ADAMTS7: variants seen among roughly 807,000 people sequenced by gnomAD.
ADAMTS7 encodes the protein ADAM metallopeptidase with thrombospondin type 1 motif 7.
In ADAMTS7, 89 loss-of-function variants were observed where a neutral mutation model predicts 172.6. The ratio of observed to expected loss-of-function variants is 0.52; its 90% CI spans 0.43 to 0.61. The LOEUF is 0.61. Ranked by LOEUF, ADAMTS7 falls within the 20% of genes least tolerant of loss-of-function variation. The pLI, the probability that ADAMTS7 is intolerant of heterozygous loss-of-function variation, is 0.00. For synonymous variants in ADAMTS7, 885 were observed against 978.4 expected (o/e 0.90, Z 1.78); for missense variants, 1,973 against 2,355.6 (o/e 0.84, Z 3.36).
rs760552085 is a variant in ADAMTS7 at position 78,790,738 on chromosome 15, C to A, written c.960G>T (p.Trp320Cys). 1.9e-6 allele frequency: 3 copies of A among 1,614,036 alleles called. No individual in the cohort carries two copies. The highest frequency in any genetic ancestry group is 2.5e-6 in the Non-Finnish European group (3 of 1,180,020). ...ADNTLKSFCKWQKSINMKGDA... is the reference protein window; with the variant it reads ...ADNTLKSFCKCQKSINMKGDA... ...CCCCCTTCATGTTGATGCTTTTCTG[C>A]CACTTGCAGAAGCTCTTCAGGGTGT... The change falls in exon 6 of 24, where the codon TGG becomes TGT. Residue 320 changes from tryptophan (W) to cysteine (C), a missense_variant. This residue lies in a region of ADAMTS7 where 526 missense variants were observed against 662.9 expected (regional missense o/e 0.79). Coordinates refer to ENST00000388820, the MANE Select transcript of ADAMTS7 (RefSeq NM_014272.5).
chr15:78,791,552 A>T (rs1456896191), intron 4 of ADAMTS7, among the ~76,000 whole-genome samples: 1 of 152,158 alleles, frequency 6.6e-6, no homozygotes, highest in Non-Finnish European at 1.5e-5. Context: ...ATGCCCACCC[A>T]GCACAGGCGA....
chr15:78,795,771 G>A (rs1209863353), intron 4 of ADAMTS7, among the ~76,000 whole-genome samples: 1 of 152,202 alleles, frequency 6.6e-6, no homozygotes, highest in Non-Finnish European at 1.5e-5. Context: ...CCTCCCAGGG[G>A]CTGCAGGAAG....
intron 3 of ADAMTS7, 74 bp from the exon 4 acceptor site, chr15:78,796,860 A>T (rs2055652782): frequency 7.3e-7 from 1 of 1,375,620 alleles, no homozygotes; most frequent in African/African-American, 1.4e-5. Flanking sequence ...GCCTCTCCTC[A>T]GTGAGCTCTC....
chr15:78,788,094 G>T, intron 8 of ADAMTS7, 137 bp downstream of exon 8: 1 of 1,209,014 alleles, frequency 8.3e-7, no homozygotes, highest in Non-Finnish European at 1.2e-6. Flanking sequence ...ACCCCCATTA[G>T]ACCTTGACCT....
At chr15:78,808,747 C>A (rs753380613) in intron 1 of ADAMTS7, among the ~76,000 whole-genome samples, 9 of 152,188 alleles carry the variant, frequency 5.9e-5, no homozygotes, top group Non-Finnish European at 1.3e-4. Flanking sequence ...TGCAACAAAG[C>A]TGAGCCTGCA....
In ADAMTS7 at chr15:78,763,960, G is replaced by A. The variant is rs1431846861; in HGVS notation, c.4559C>T (p.Pro1520Leu). 1.3e-6 allele frequency: 2 copies of A among 1,548,388 alleles called. No individual in the cohort carries two copies. The highest frequency in any genetic ancestry group is 2.0e-5 in the Admixed American group (1 of 51,048). ...PPAHRPCGAQ[P>L]CLSWYTSSWR... The stretch of plus-strand genomic sequence containing the variant: ...GGAAGATGTGTACCAGCTGAGGCAG[G>A]GCTGGGCCCCGCAGGGCCGGTGCGC... Residue 1520 changes from proline (P) to leucine (L), a missense_variant, in exon 21 of 24, where the codon CCC becomes CTC. Pro to Leu is a moderately conservative substitution (Grantham distance 98). Transcript: ENST00000388820.
chr15:78,774,737 T>A lies in ADAMTS7; in HGVS notation c.1763A>T (p.Asn588Ile). 6.2e-7 allele frequency: 1 copy of A among 1,611,534 alleles called. No homozygotes were observed. Among genetic ancestry groups the A allele is most frequent in the Non-Finnish European group, 8.5e-7 (1 of 1,179,748 alleles). The change falls in exon 12 of 24, where the codon AAC becomes ATC. Residue 588 changes from asparagine (N) to isoleucine (I), a missense_variant. Physicochemically the swap from Asn to Ile is moderately radical, Grantham distance 149. This residue lies in a region of ADAMTS7 where 526 missense variants were observed against 662.9 expected (regional missense o/e 0.79). Coordinates refer to ENST00000388820, the MANE Select transcript of ADAMTS7 (RefSeq NM_014272.5). ...GCGGCCAGCAGGGCAGGCCTGCAGG[T>A]TGCAGAGGCGGAAGCGCTTGCGCTC... ...VGERKRFRLC[N>I]LQACPAGRPS...
intron 5 of ADAMTS7, 66 bp downstream of exon 5, chr15:78,791,074 A>G (rs1238425837): frequency 2.5e-5 from 38 of 1,535,830 alleles, no homozygotes; most frequent in Non-Finnish European, 3.2e-5. Flanking sequence ...AGCACAGGTC[A>G]TGCGGCAGGA....
chr15:78,801,368 G>A (rs1222846776), intron 1 of ADAMTS7, among the ~76,000 whole-genome samples: 2 of 152,060 alleles, frequency 1.3e-5, no homozygotes, highest in Non-Finnish European at 2.9e-5. Context: ...CAGGCCAGAC[G>A]TGCTCCTGCT....
rs1259871358 is a variant in ADAMTS7, at chr15:78,781,045, T to C, written c.1323-3457A>G. ...GTCTGTGGACACAGCAAGAACGAGTTTGGATTCAGCCCTGTGGGTCTACCT... is the reference window on the plus strand; with the variant it reads ...GTCTGTGGACACAGCAAGAACGAGTCTGGATTCAGCCCTGTGGGTCTACCT... On this transcript the variant is annotated intron_variant, in intron 8 of 23. Transcript: ENST00000388820. Among the ~76,000 whole-genome samples, 3 of 152,096 alleles carry C rather than the reference T, an allele frequency of 2.0e-5. No individual in the cohort carries two copies. In the East Asian group the frequency reaches 5.8e-4, roughly 29 times the overall value.
intron 7 of ADAMTS7, among the ~76,000 whole-genome samples, chr15:78,789,036 G>T (rs1324666420): frequency 1.3e-5 from 2 of 152,242 alleles, no homozygotes; most frequent in African/African-American, 4.8e-5. Flanking sequence ...GCAGCTTCAA[G>T]GTCCTGCAGG....
In ADAMTS7 at chr15:78,773,269, G is replaced by T. The variant is rs1406946468; in HGVS notation, c.2011-66C>A. 64 of 1,369,646 alleles carry T rather than the reference G, an allele frequency of 4.7e-5. 14 individuals are homozygous for T. The highest frequency in any genetic ancestry group is 6.0e-5 in the Non-Finnish European group (60 of 992,730). 84.8% of individuals were successfully genotyped at this position (1,369,646 alleles called of 1,614,324 possible). A position where few individuals can be genotyped will look rare whatever the true frequency, so the allele number is the denominator to read the frequency against. ...CAGCCCTCTGTGGCCCCAGCCCCGGGGCCAGCCAGAGTCAGGAGAAGAAAG... is the reference window on the plus strand; with the variant it reads ...CAGCCCTCTGTGGCCCCAGCCCCGGTGCCAGCCAGAGTCAGGAGAAGAAAG... On this transcript the variant is annotated intron_variant, in intron 13 of 23. Coordinates refer to ENST00000388820, the MANE Select transcript of ADAMTS7 (RefSeq NM_014272.5).
At chr15:78,776,615 T>G in intron 10 of ADAMTS7, 134 bp downstream of exon 10, 2 of 998,518 alleles carry the variant, frequency 2.0e-6, no homozygotes, top group East Asian at 5.3e-5. Context: ...AGATGGGGGC[T>G]TGGGCTGCAG....
At chr15:78,795,291 T>C (rs2055628512) in intron 4 of ADAMTS7, among the ~76,000 whole-genome samples, 1 of 152,202 alleles carries the variant, frequency 6.6e-6, no homozygotes. Context: ...CCTGGGCAGA[T>C]GAAGCTTGAT....
rs750358699 is a variant in ADAMTS7, at chr15:78,764,041, C to T, written c.4478G>A (p.Arg1493Gln). 69 of 1,539,246 alleles carry T rather than the reference C, an allele frequency of 4.5e-5. No individual in the cohort carries two copies. The South Asian group carries it at 5.1e-4, about 11-fold the overall frequency. Residue 1493 changes from arginine to glutamine, a missense_variant, in exon 21 of 24, where the codon CGG becomes CAG. Coordinates refer to ENST00000388820, the MANE Select transcript of ADAMTS7 (RefSeq NM_014272.5). ...SVRDVQCVDT[R>Q]DLRPLRPFHC... Reference sequence around the variant, plus strand: ...GAAGGGCCGCAGTGGCCGGAGGTCCCGTGTGTCCACACACTGCACGTCCCG... The same window carrying T: ...GAAGGGCCGCAGTGGCCGGAGGTCCTGTGTGTCCACACACTGCACGTCCCG...
rs1004690798 is a variant in ADAMTS7, at chr15:78,791,242, G to A, written c.820-19C>T. The stretch of plus-strand genomic sequence containing the variant: ...CAGCCACCTGCCCAAGAGATGGGGG[G>A]GTCAGGTTGTCACGAGGATGAAGGA... On this transcript the variant is annotated intron_variant, in intron 4 of 23. Transcript: ENST00000388820. 5.0e-6 allele frequency: 8 copies of A among 1,607,802 alleles called. No homozygotes were observed. Among genetic ancestry groups the A allele is most frequent in the African/African-American group, 4.0e-5 (3 of 74,826 alleles).
At chr15:78,776,880 C>A (rs111354672) in intron 9 of ADAMTS7, 39 bp from the exon 10 acceptor site, 24,942 of 1,487,368 alleles carry the variant, frequency 0.017, 1,436 homozygotes, top group African/African-American at 0.16. Context: ...CTCACACCCT[C>A]CCCAGTGCCG....
chr15:78,768,334 C>A (rs2055194340), intron 16 of ADAMTS7, 75 bp from the exon 17 acceptor site: 8 of 1,592,658 alleles, frequency 5.0e-6, no homozygotes, highest in Non-Finnish European at 6.8e-6. Context: ...ACCCTCTCTG[C>A]CAGAACCCTC....
At chr15:78,785,508 C>T (rs2055489022) in intron 8 of ADAMTS7, among the ~76,000 whole-genome samples, 1 of 148,908 alleles carries the variant, frequency 6.7e-6, no homozygotes, top group East Asian at 2.0e-4. Flanking sequence ...GAGATTGCAC[C>T]ACTGTACTCC....
Sources: allele counts gnomAD v4.1 joint callset (sites outside exome capture counted in the v4.1 genomes callset), GRCh38; gene constraint gnomAD v4.1.1; regional missense constraint gnomAD v4.1.1; transcripts MANE v1.5; gene names NCBI Gene and HGNC (gene_info 2026-07-23, HGNC 2026-07-21).